AUTS2: variants seen among roughly 807,000 people sequenced by gnomAD.
The protein encoded by AUTS2 is autism susceptibility gene 2 protein.
AUTS2 carries 17 observed loss-of-function variants against 112.4 expected under a neutral mutation model. The ratio of observed to expected loss-of-function variants is 0.15; its 90% CI spans 0.10 to 0.23. The LOEUF (loss-of-function observed/expected upper bound fraction) is 0.23, where lower values mean the gene tolerates loss of function less well. AUTS2 is among the 10% of genes least tolerant of loss of function. The pLI is 1.00. For synonymous variants in AUTS2, 751 were observed against 702.7 expected (o/e 1.07, Z -1.09); for missense variants, 1,510 against 1,701.6 (o/e 0.89, Z 1.98).
Position 70,404,193 on chromosome 7 carries a change from T to C in AUTS2, c.661-31559T>C, listed in dbSNP as rs566645763. ...GTGTTGTGGAGGTGACTGGAATTCA[T>C]TGGGGTCATATCTAAGCATGAGTTA... On this transcript the variant is annotated intron_variant, in intron 4 of 18. Transcript: ENST00000342771. Among the ~76,000 whole-genome samples, 13 of 152,276 alleles carry C rather than the reference T, an allele frequency of 8.5e-5. No individual in the cohort carries two copies. The East Asian group carries it at 9.7e-4, about 11-fold the overall frequency.
At chr7:70,221,337 TA>T (rs998106405) in intron 4 of AUTS2, among the ~76,000 whole-genome samples, 5 of 152,254 alleles carry the variant, frequency 3.3e-5, no homozygotes, top group African/African-American at 1.2e-4. Context: ...AACTAAAATT[TA>T]ATGTTGGCTT....
At chr7:70,624,328 C>T (rs1178854933) in intron 5 of AUTS2, among the ~76,000 whole-genome samples, 1 of 152,154 alleles carries the variant, frequency 6.6e-6, no homozygotes. Context: ...CTCCAGAGTT[C>T]AACTCAGCAC....
At chr7:70,177,314 G>A (rs935525042) in intron 4 of AUTS2, among the ~76,000 whole-genome samples, 1 of 152,174 alleles carries the variant, frequency 6.6e-6, no homozygotes, top group Non-Finnish European at 1.5e-5. Flanking sequence ...AGGAGCCTGA[G>A]GCTTAGATTC....
At chr7:70,742,001 G>A (rs1788143343) in intron 6 of AUTS2, among the ~76,000 whole-genome samples, 1 of 152,156 alleles carries the variant, frequency 6.6e-6, no homozygotes, top group Non-Finnish European at 1.5e-5. Context: ...ACTTTTTGCA[G>A]ACAAAATTGC....
intron 4 of AUTS2, among the ~76,000 whole-genome samples, chr7:70,194,007 C>T (rs1027215031): frequency 6.6e-6 from 1 of 152,058 alleles, no homozygotes; most frequent in Non-Finnish European, 1.5e-5. Context: ...TCTTTTATTC[C>T]TGATTTACCA....
At chr7:69,875,409 C>A (rs1194365619) in intron 1 of AUTS2, among the ~76,000 whole-genome samples, 1 of 152,130 alleles carries the variant, frequency 6.6e-6, no homozygotes, top group African/African-American at 2.4e-5. Context: ...TTGCTCCTAT[C>A]TGAGCCAGAT....
chr7:69,901,970 G>A (rs1422427142), intron 2 of AUTS2, among the ~76,000 whole-genome samples: 1 of 152,144 alleles, frequency 6.6e-6, no homozygotes, highest in African/African-American at 2.4e-5. Flanking sequence ...CAAATACAGT[G>A]TTGTAAAGGT....
intron 1 of AUTS2, among the ~76,000 whole-genome samples, chr7:69,711,241 T>C (rs2129201514): frequency 1.3e-5 from 2 of 152,262 alleles, no homozygotes; most frequent in East Asian, 3.9e-4. Context: ...GCAATTAACA[T>C]GAAAATGATA....
At chr7:70,591,227 A>C (rs1802928716) in intron 5 of AUTS2, among the ~76,000 whole-genome samples, 1 of 151,304 alleles carries the variant, frequency 6.6e-6, no homozygotes, top group Admixed American at 6.6e-5. Flanking sequence ...TGAATGTGAC[A>C]CCAGACGTGG....
chr7:70,137,571 A>T (rs1472398076), intron 4 of AUTS2, among the ~76,000 whole-genome samples: 1 of 151,932 alleles, frequency 6.6e-6, no homozygotes, highest in Non-Finnish European at 1.5e-5. Context: ...TTCAATTTGC[A>T]TAGTGTATAA....
At chr7:70,007,150 A>G (rs1242069964) in intron 2 of AUTS2, among the ~76,000 whole-genome samples, 1 of 152,178 alleles carries the variant, frequency 6.6e-6, no homozygotes, top group African/African-American at 2.4e-5. Context: ...TGCCGTATGC[A>G]TAGGAAAGAT....
chr7:70,750,958 CA>C (rs371337476), intron 6 of AUTS2, among the ~76,000 whole-genome samples: 17,430 of 152,214 alleles, frequency 0.11, 2,625 homozygotes, highest in African/African-American at 0.35. Context: ...TAGACCCACC[CA>C]TTGGCCAACC....
chr7:69,942,016 C>A (rs990104620), intron 2 of AUTS2, among the ~76,000 whole-genome samples: 1 of 152,158 alleles, frequency 6.6e-6, no homozygotes. Flanking sequence ...TTCCATCAGG[C>A]ACCTGAATAA....
intron 4 of AUTS2, among the ~76,000 whole-genome samples, chr7:70,248,133 AGGATTTT>A (rs1358573534): frequency 6.6e-6 from 1 of 152,190 alleles, no homozygotes. Flanking sequence ...CATTTTACTT[AGGATTTT>A]TCATCCAAGT....
At chr7:70,740,868 C>T (rs1224757701) in intron 6 of AUTS2, among the ~76,000 whole-genome samples, 13 of 151,966 alleles carry the variant, frequency 8.6e-5, no homozygotes, top group South Asian at 4.1e-4. Flanking sequence ...CCAAGGCAGA[C>T]GGATCACTTG....
chr7:70,533,546 C>T (rs1019453946), intron 5 of AUTS2, among the ~76,000 whole-genome samples: 4 of 152,160 alleles, frequency 2.6e-5, no homozygotes, highest in Non-Finnish European at 5.9e-5. Context: ...ATGTTTTCTC[C>T]CGTGGCAGAA....
At chr7:70,024,781 T>C (rs1318608283) in intron 2 of AUTS2, among the ~76,000 whole-genome samples, 1 of 150,130 alleles carries the variant, frequency 6.7e-6, no homozygotes, top group Non-Finnish European at 1.5e-5. Context: ...AGGCAAAATC[T>C]CTTCTTTGTG....
chr7:70,004,151 G>T, intron 2 of AUTS2, among the ~76,000 whole-genome samples: 1 of 126,222 alleles, frequency 7.9e-6, no homozygotes, highest in Non-Finnish European at 1.6e-5. Flanking sequence ...ATATGAATGT[G>T]TTATATGTGA....
intron 1 of AUTS2, among the ~76,000 whole-genome samples, chr7:69,640,466 C>A (rs930825463): frequency 1.3e-5 from 2 of 152,164 alleles, no homozygotes; most frequent in Non-Finnish European, 2.9e-5. Context: ...CTGAAGATAT[C>A]CCACTGAGAT....
Sources: allele counts gnomAD v4.1 joint callset (sites outside exome capture counted in the v4.1 genomes callset), GRCh38; gene constraint gnomAD v4.1.1; transcripts MANE v1.5; gene names NCBI Gene and HGNC (gene_info 2026-07-23, HGNC 2026-07-21).